Variants in CSMD3 observed in about 807,000 individuals in gnomAD.
The protein encoded by CSMD3 is CUB and sushi domain-containing protein 3.
CSMD3 carries 177 observed loss-of-function variants against 435.2 expected under a neutral mutation model. The observed-to-expected ratio is 0.41, with a 90% CI of 0.36 to 0.46. CSMD3 has a LOEUF of 0.46. Among genes scored for constraint, CSMD3 ranks in the 20% least tolerant of loss-of-function variants. The pLI, the probability that CSMD3 is intolerant of heterozygous loss-of-function variation, is 0.34. For missense variants in CSMD3, 4,265 were observed against 4,504.6 expected, an observed-to-expected ratio of 0.95 and a Z score of 1.52; for synonymous variants, 1,656 against 1,520.5, an observed-to-expected ratio of 1.09 and a Z score of -2.07.
intron 59 of CSMD3, among the ~76,000 whole-genome samples, chr8:112,275,936 C>T (rs551204690): frequency 6.6e-6 from 1 of 152,238 alleles, no homozygotes; most frequent in African/African-American, 2.4e-5. Context: ...CCAATAGTTC[C>T]CAAAAGTCTT....
intron 18 of CSMD3, among the ~76,000 whole-genome samples, chr8:112,650,759 G>T (rs1370158122): frequency 7.5e-6 from 1 of 132,824 alleles, no homozygotes; most frequent in Non-Finnish European, 1.6e-5. Flanking sequence ...ATTTTGCAAG[G>T]TATGAAAGTA....
At chr8:112,999,731 G>C (rs186636016) in intron 6 of CSMD3, among the ~76,000 whole-genome samples, 1 of 151,586 alleles carries the variant, frequency 6.6e-6, no homozygotes, top group Non-Finnish European at 1.5e-5. Flanking sequence ...AGTCTATTGC[G>C]AATGTTTTGA....
chr8:113,255,211 T>C lies in CSMD3; in HGVS notation c.514+23381A>G, dbSNP rs1418118200. Among the ~76,000 whole-genome samples, 4 of 152,260 alleles carry C rather than the reference T, an allele frequency of 2.6e-5. No homozygotes were observed. In the East Asian group the frequency reaches 7.7e-4, roughly 29 times the overall value. On this transcript the variant is annotated intron_variant, in intron 3 of 70. Transcript: ENST00000297405. ...AAAATTGGATGTTTAAGTTCTTCAATACATATTGAAAAAGTAAAACTAGAC... is the reference window on the plus strand; with the variant it reads ...AAAATTGGATGTTTAAGTTCTTCAACACATATTGAAAAAGTAAAACTAGAC...
intron 10 of CSMD3, among the ~76,000 whole-genome samples, chr8:112,887,251 T>C (rs752826734): frequency 2.7e-5 from 4 of 150,366 alleles, no homozygotes; most frequent in Non-Finnish European, 4.4e-5. Flanking sequence ...TTAGAGAAGT[T>C]AAATAACTCA....
chr8:113,160,044 T>C (rs2092008711), intron 4 of CSMD3, among the ~76,000 whole-genome samples: 1 of 151,922 alleles, frequency 6.6e-6, no homozygotes, highest in African/African-American at 2.4e-5. Flanking sequence ...AGTAAATAGA[T>C]GATGGTAATT....
At chr8:112,842,298 G>A (rs1180453386) in intron 11 of CSMD3, among the ~76,000 whole-genome samples, 1 of 151,784 alleles carries the variant, frequency 6.6e-6, no homozygotes, top group African/African-American at 2.4e-5. Context: ...AGCTCTCTTG[G>A]CAGCAGCCTA....
At chr8:112,434,719 G>C (rs1044387969) in intron 32 of CSMD3, among the ~76,000 whole-genome samples, 1 of 152,000 alleles carries the variant, frequency 6.6e-6, no homozygotes, top group African/African-American at 2.4e-5. Flanking sequence ...CCATCAATGT[G>C]TTCACAAGGA....
At chr8:112,509,945 C>T (rs1025536039) in intron 28 of CSMD3, among the ~76,000 whole-genome samples, 1 of 152,178 alleles carries the variant, frequency 6.6e-6, no homozygotes, top group South Asian at 2.1e-4. Flanking sequence ...ATAGAATAGC[C>T]TAAATACTCA....
intron 10 of CSMD3, among the ~76,000 whole-genome samples, chr8:112,864,440 G>A (rs1043339335): frequency 8.6e-5 from 13 of 151,896 alleles, no homozygotes; most frequent in South Asian, 6.2e-4. Flanking sequence ...TAGTAGAGAT[G>A]AGGTTTCACC....
chr8:112,549,371 T>C (rs1827474889), intron 27 of CSMD3, among the ~76,000 whole-genome samples: 1 of 152,038 alleles, frequency 6.6e-6, no homozygotes, highest in Non-Finnish European at 1.5e-5. Context: ...TTATTCCATT[T>C]TCTCAAAATA....
intron 2 of CSMD3, chr8:113,314,009 T>A (rs1369581369): frequency 6.6e-6 from 1 of 152,170 alleles, no homozygotes; most frequent in Non-Finnish European, 1.5e-5. Context: ...AATTTTTACA[T>A]CTGTTTAATC....
chr8:112,462,379 G>A (rs1452270332), intron 32 of CSMD3, among the ~76,000 whole-genome samples: 2 of 152,168 alleles, frequency 1.3e-5, no homozygotes, highest in Non-Finnish European at 2.9e-5. Context: ...GTTGTAAAAT[G>A]TCTAGCTTCA....
intron 1 of CSMD3, among the ~76,000 whole-genome samples, chr8:113,425,776 C>T (rs1271382467): frequency 6.6e-6 from 1 of 151,536 alleles, no homozygotes; most frequent in East Asian, 1.9e-4. Context: ...GAATTCAATA[C>T]AGGTAATTAT....
intron 6 of CSMD3, among the ~76,000 whole-genome samples, chr8:112,983,497 A>C (rs748120273): frequency 6.6e-6 from 1 of 151,032 alleles, no homozygotes; most frequent in Middle Eastern, 3.2e-3. Flanking sequence ...TTAAGAATTA[A>C]GTATTGCCCA....
At chr8:113,195,812 TATAC>T (rs200539730) in intron 3 of CSMD3, among the ~76,000 whole-genome samples, 17 of 139,556 alleles carry the variant, frequency 1.2e-4, no homozygotes, top group African/African-American at 4.2e-4. Flanking sequence ...TATATATATA[TATAC>T]ACACACACAC....
intron 4 of CSMD3, among the ~76,000 whole-genome samples, chr8:113,113,343 T>TA (rs2090721459): frequency 6.6e-6 from 1 of 152,188 alleles, no homozygotes. Flanking sequence ...TAAAATTAAA[T>TA]ACAGCAATGA....
At chr8:113,415,772 G>T (rs529019233) in intron 1 of CSMD3, among the ~76,000 whole-genome samples, 3 of 152,002 alleles carry the variant, frequency 2.0e-5, no homozygotes, top group Admixed American at 6.6e-5. Flanking sequence ...GTCATATGCA[G>T]CAGCTGCTTC....
chr8:112,973,410 T>A (rs1169404686), intron 7 of CSMD3, among the ~76,000 whole-genome samples: 2 of 151,912 alleles, frequency 1.3e-5, no homozygotes, highest in Non-Finnish European at 2.9e-5. Flanking sequence ...TTTTACAAAA[T>A]CTATCTTGTA....
At chr8:113,065,543 C>A (rs961148341) in intron 5 of CSMD3, among the ~76,000 whole-genome samples, 4 of 152,084 alleles carry the variant, frequency 2.6e-5, no homozygotes, top group Non-Finnish European at 4.4e-5. Context: ...CCCACCACCA[C>A]GCCTGGCTAA....
Sources: gnomAD v4.1 joint callset for allele counts (sites outside exome capture counted in the v4.1 genomes callset) on GRCh38, gnomAD v4.1.1 for gene constraint, MANE v1.5 for transcripts, NCBI Gene and HGNC (gene_info 2026-07-23, HGNC 2026-07-21) for gene names.